Variants in ZSCAN2 observed in about 807,000 individuals in gnomAD.
ZSCAN2 encodes the protein zinc finger and SCAN domain containing 2, also known as zinc finger and SCAN domain-containing protein 2.
A neutral mutation model predicts 47.8 loss-of-function variants in ZSCAN2; 26 were observed. That is an observed-to-expected ratio of 0.54 (90% CI 0.40 to 0.75). The LOEUF is 0.75. Among genes scored for constraint, ZSCAN2 ranks in the 30% least tolerant of loss-of-function variants. The pLI is 0.00. For missense variants in ZSCAN2, 732 were observed against 785.4 expected (o/e 0.93, Z 0.81); for synonymous variants, 305 against 288.7 (o/e 1.06, Z -0.57).
intron 2 of ZSCAN2, chr15:84,606,399 A>C (rs1244312276): frequency 1.4e-6 from 1 of 729,812 alleles, no homozygotes; most frequent in Non-Finnish European, 2.4e-6. Context: ...TCAAACCCAG[A>C]CCTGTCTCTT....
At chr15:84,617,062 C>T (rs540261380) in intron 2 of ZSCAN2, among the ~76,000 whole-genome samples, 1 of 151,478 alleles carries the variant, frequency 6.6e-6, no homozygotes, top group South Asian at 2.1e-4. Context: ...ACAGAGGTTG[C>T]GGGGAGCCAG....
chr15:84,622,729 G>C lies in ZSCAN2; in HGVS notation c.*689G>C, dbSNP rs1468836298. On this transcript the variant is annotated 3_prime_UTR_variant, in exon 3 of 3. Coordinates refer to ENST00000546148, the MANE Select transcript of ZSCAN2 (RefSeq NM_181877.4). ...CCTTTCCATTGGTAAGAGTTGGACA[G>C]GGCCTTCAGGAAAGGGGTAAACCGA... The C allele has an allele frequency of 1.4e-6, 1 of 715,684 alleles. No individual in the cohort carries two copies. Among genetic ancestry groups the C allele is most frequent in the African/African-American group, 1.7e-5 (1 of 57,170 alleles). 44.3% of individuals were successfully genotyped at this position (715,684 alleles called of 1,614,324 possible).
At chr15:84,609,952 T>A (rs1238915551) in intron 2 of ZSCAN2, among the ~76,000 whole-genome samples, 1 of 152,140 alleles carries the variant, frequency 6.6e-6, no homozygotes. Context: ...TGCTCTATGG[T>A]GCGGGAGAGA....
intron 2 of ZSCAN2, among the ~76,000 whole-genome samples, chr15:84,609,256 T>A (rs1596029674): frequency 6.7e-6 from 1 of 149,266 alleles, no homozygotes; most frequent in African/African-American, 2.5e-5. Context: ...TTTATATATA[T>A]ATATACACAT....
At chr15:84,612,627 C>T (rs1002015549) in intron 2 of ZSCAN2, among the ~76,000 whole-genome samples, 1 of 151,686 alleles carries the variant, frequency 6.6e-6, no homozygotes, top group Non-Finnish European at 1.5e-5. Context: ...CCCAGCTACT[C>T]GGGAGGCTGA....
rs1403305023 is a variant in ZSCAN2 at position 84,622,811 on chromosome 15, C to G, written c.*771C>G. ...TACTGTCCTGTGGTAGATCAGCTAC[C>G]AGGGGAACACATTTGTTCTCGTGGG... On this transcript the variant is annotated 3_prime_UTR_variant, in exon 3 of 3. Coordinates refer to ENST00000546148, the MANE Select transcript of ZSCAN2 (RefSeq NM_181877.4). The G allele has an allele frequency of 1.6e-6, 1 of 641,326 alleles. No homozygotes were observed. 39.7% of individuals were successfully genotyped at this position (641,326 alleles called of 1,614,324 possible).
intron 2 of ZSCAN2, among the ~76,000 whole-genome samples, chr15:84,609,069 T>C (rs1210416868): frequency 1.3e-5 from 2 of 152,196 alleles, no homozygotes; most frequent in African/African-American, 4.8e-5. Context: ...ATCATCTGGC[T>C]TTCAGCCATC....
chr15:84,621,384 C>T lies in ZSCAN2; in HGVS notation c.1189C>T (p.Gln397Ter), dbSNP rs868849253. The change falls in exon 3 of 3, where the codon CAG becomes TAG. Residue 397 changes from glutamine (Q) to a stop codon, truncating the protein, a stop_gained. Coordinates refer to ENST00000546148, the MANE Select transcript of ZSCAN2 (RefSeq NM_181877.4). LOFTEE classifies it high-confidence loss of function. This position sits in a 1 kb window ranked among gnomAD's most constrained non-coding sequence, Gnocchi z 5.7. ...ACCCTACAAATGTACCGACTGTGGG[C>T]AGAGGTTCAGCCAGAGTTCAGCCCT... ...EKPYKCTDCG[Q>*]RFSQSSALIT... 1.9e-6 allele frequency: 3 copies of T among 1,612,644 alleles called. No homozygotes were observed. The highest frequency in any genetic ancestry group is 2.5e-6 in the Non-Finnish European group (3 of 1,179,548).
chr15:84,622,307 C>T lies in ZSCAN2; in HGVS notation c.*267C>T. 3.5e-6 allele frequency: 2 copies of T among 574,274 alleles called. No homozygotes were observed. Among genetic ancestry groups the T allele is most frequent in the Non-Finnish European group, 6.3e-6 (2 of 318,184 alleles). 35.6% of individuals were successfully genotyped at this position (574,274 alleles called of 1,614,324 possible). On this transcript the variant is annotated 3_prime_UTR_variant, in exon 3 of 3. Coordinates refer to ENST00000546148, the MANE Select transcript of ZSCAN2 (RefSeq NM_181877.4). ...CATTGGGTGACTTGATTGGCCCCCT[C>T]TCATGATTCCTCTGTGCCTCAGTTT...
intron 2 of ZSCAN2, among the ~76,000 whole-genome samples, chr15:84,614,211 T>G (rs1374804611): frequency 6.6e-6 from 1 of 151,792 alleles, no homozygotes; most frequent in Non-Finnish European, 1.5e-5. Context: ...AGGCTGGTCT[T>G]GAACTCCTGG....
At chr15:84,612,398 T>A (rs1895574470) in intron 2 of ZSCAN2, among the ~76,000 whole-genome samples, 1 of 152,160 alleles carries the variant, frequency 6.6e-6, no homozygotes, top group African/African-American at 2.4e-5. Flanking sequence ...AGGGACCTCC[T>A]TAGTGAGGTT....
intron 2 of ZSCAN2, chr15:84,616,641 G>A (rs1056777591): frequency 1.7e-6 from 2 of 1,170,154 alleles, no homozygotes. Flanking sequence ...TCATTGGAGA[G>A]CTAACCAGTT....
At position 84,613,306 on chromosome 15, in the gene ZSCAN2, T is replaced by C. The variant is rs529798328; in HGVS notation, c.407-7296T>C. Among the ~76,000 whole-genome samples the C allele has an allele frequency of 4.3e-4, 66 of 152,304 alleles. 1 individual carries two copies. Among genetic ancestry groups the C allele is most frequent in the African/African-American group, 1.5e-3 (64 of 41,580 alleles). On this transcript the variant is annotated intron_variant, in intron 2 of 2. Transcript: ENST00000546148. ...TGATTGTCTATTAATGTTTTAATTA[T>C]TGAGATTTCATAATGTTTTTGTTTT...
chr15:84,608,427 G>A (rs1477899524), intron 2 of ZSCAN2, among the ~76,000 whole-genome samples: 1 of 151,810 alleles, frequency 6.6e-6, no homozygotes, highest in Non-Finnish European at 1.5e-5. Context: ...CAGCTACTTG[G>A]GAGGCTGAGG....
Position 84,622,181 on chromosome 15 carries a change from T to C in ZSCAN2, c.*141T>C. 1.3e-6 allele frequency: 1 copy of C among 745,354 alleles called. No individual in the cohort carries two copies. The highest frequency in any genetic ancestry group is 2.2e-6 in the Non-Finnish European group (1 of 444,762). The allele number at this position is 745,354 out of a possible 1,614,324, so 46.2% of individuals were successfully genotyped here. ...AGTCTTCCCCTTGCTCATCCTCATT[T>C]CCAGGACACTGTCATTTTAGTGGTC... On this transcript the variant is annotated 3_prime_UTR_variant, in exon 3 of 3. Transcript: ENST00000546148.
chr15:84,622,165 C>G lies in ZSCAN2; in HGVS notation c.*125C>G. 2 of 834,860 alleles carry G rather than the reference C, an allele frequency of 2.4e-6. No homozygotes were observed. The highest frequency in any genetic ancestry group is 3.8e-6 in the Non-Finnish European group (2 of 520,906). The allele number at this position is 834,860 out of a possible 1,614,324, so 51.7% of individuals were successfully genotyped here. On this transcript the variant is annotated 3_prime_UTR_variant, in exon 3 of 3. Transcript: ENST00000546148. ...TGGGGGGTTTTGCCAGAGTCTTCCCCTTGCTCATCCTCATTTCCAGGACAC... is the reference window on the plus strand; with the variant it reads ...TGGGGGGTTTTGCCAGAGTCTTCCCGTTGCTCATCCTCATTTCCAGGACAC...
chr15:84,612,150 T>C (rs1895568240), intron 2 of ZSCAN2: 2 of 152,412 alleles, frequency 1.3e-5, no homozygotes, highest in African/African-American at 2.4e-5. Flanking sequence ...GGATCCCTTA[T>C]TCTTCCCAGC....
At chr15:84,602,743 C>T (rs1205089126) in intron 1 of ZSCAN2, among the ~76,000 whole-genome samples, 1 of 152,008 alleles carries the variant, frequency 6.6e-6, no homozygotes, top group Non-Finnish European at 1.5e-5. Context: ...CGCCCGTCAC[C>T]ATGCCTGGCT....
chr15:84,603,890 C>T lies in ZSCAN2; in HGVS notation c.-38C>T. The T allele has an allele frequency of 6.3e-7, 1 of 1,581,498 alleles. No individual in the cohort carries two copies. Among genetic ancestry groups the T allele is most frequent in the Non-Finnish European group, 8.6e-7 (1 of 1,160,360 alleles). On this transcript the variant is annotated 5_prime_UTR_variant, in exon 2 of 3. Coordinates refer to ENST00000546148, the MANE Select transcript of ZSCAN2 (RefSeq NM_181877.4). Reference sequence around the variant, plus strand: ...AGCCTGGCTGGAGAAGACTGAGGTCCAAGGCTTGAAGCCTAAGTGATTGCC... The same window carrying T: ...AGCCTGGCTGGAGAAGACTGAGGTCTAAGGCTTGAAGCCTAAGTGATTGCC...
Sources: gnomAD v4.1 joint callset for allele counts (sites outside exome capture counted in the v4.1 genomes callset) on GRCh38, gnomAD v4.1.1 for gene constraint, Gnocchi (gnomAD v3.1) non-coding constraint, MANE v1.5 for transcripts, NCBI Gene and HGNC (gene_info 2026-07-23, HGNC 2026-07-21) for gene names.